The following ESR2 variants were observed in gnomAD, a reference collection of about 807,000 sequenced individuals.
The protein encoded by ESR2 is estrogen receptor 2, also known as estrogen receptor beta.
ESR2 carries 36 observed loss-of-function variants against 49.6 expected under a neutral mutation model. That is an observed-to-expected ratio of 0.73 (90% CI 0.56 to 0.96). The LOEUF is 0.96. ESR2 is among the 40% of genes least tolerant of loss of function. The pLI, the probability that ESR2 is intolerant of heterozygous loss-of-function variation, is 0.00. For synonymous variants in ESR2, 320 were observed against 266.1 expected, an observed-to-expected ratio of 1.20 and a Z score of -1.97; for missense variants, 714 against 693.0, an observed-to-expected ratio of 1.03 and a Z score of -0.34.
In ESR2 at chr14:64,251,157, C is replaced by CA. The variant is rs2075979284; in HGVS notation, c.1092-1479dup. Among the ~76,000 whole-genome samples, 12 of 152,154 alleles carry CA rather than the reference C, an allele frequency of 7.9e-5. No individual in the cohort carries two copies. In the South Asian group the frequency reaches 2.5e-3, roughly 32 times the overall value. On this transcript the variant is annotated intron_variant, in intron 6 of 8. Transcript: ENST00000341099. ...TCCCAGGCAACCTGATGCAGGCATC[C>CA]AGTAAGGACAACACAAGCCCTGCAC...
At chr14:64,272,018 C>T (rs915701893) in intron 3 of ESR2, among the ~76,000 whole-genome samples, 7 of 152,180 alleles carry the variant, frequency 4.6e-5, no homozygotes, top group African/African-American at 1.7e-4. Flanking sequence ...TACAATCTGA[C>T]CAACAGTATA....
intron 1 of ESR2, among the ~76,000 whole-genome samples, chr14:64,309,829 G>A (rs893613478): frequency 2.6e-5 from 4 of 152,012 alleles, no homozygotes; most frequent in Non-Finnish European, 2.9e-5. Flanking sequence ...GCTCACGCCT[G>A]TAATCCCAGC....
At chr14:64,322,589 G>A (rs539811449) in intron 1 of ESR2, among the ~76,000 whole-genome samples, 1 of 150,704 alleles carries the variant, frequency 6.6e-6, no homozygotes, top group South Asian at 2.1e-4. Context: ...ATAATAATGA[G>A]GTACCTTGTT....
chr14:64,251,307 CAA>C (rs11297817), intron 6 of ESR2, among the ~76,000 whole-genome samples: 86 of 124,352 alleles, frequency 6.9e-4, no homozygotes, highest in Non-Finnish European at 7.4e-4. Flanking sequence ...CTCTATGGGG[CAA>C]AAAAAAAAAA....
chr14:64,305,506 T>G (rs1244433692), intron 1 of ESR2, among the ~76,000 whole-genome samples: 1 of 150,928 alleles, frequency 6.6e-6, no homozygotes, highest in Non-Finnish European at 1.5e-5. Context: ...CCATCTCTAC[T>G]AAAAATACAA....
intron 1 of ESR2, among the ~76,000 whole-genome samples, chr14:64,315,237 C>T (rs2077239118): frequency 9.0e-6 from 1 of 110,548 alleles, no homozygotes; most frequent in Admixed American, 1.2e-4. Flanking sequence ...GAGCGAGAGT[C>T]TGTCTCAAAA....
intron 7 of ESR2, among the ~76,000 whole-genome samples, chr14:64,242,524 A>T (rs1389060345): frequency 6.6e-6 from 1 of 151,464 alleles, no homozygotes; most frequent in Non-Finnish European, 1.5e-5. Context: ...TTGATTTTCA[A>T]ATGTTAAAGA....
Position 64,283,105 on chromosome 14 carries a change from G to A in ESR2, c.-90-30C>T, listed in dbSNP as rs998951549. 5 of 961,470 alleles carry A rather than the reference G, an allele frequency of 5.2e-6. No homozygotes were observed. In the African/African-American group the frequency reaches 8.2e-5, roughly 16 times the overall value. The allele number at this position is 961,470 out of a possible 1,614,324, so 59.6% of individuals were successfully genotyped here. On this transcript the variant is annotated intron_variant, in intron 1 of 8. Coordinates refer to ENST00000341099, the MANE Select transcript of ESR2 (RefSeq NM_001437.3). ...AAAGAAACACAGAAGATATTGCCAA[G>A]TTAGAGCTACAGCTGTTAACTATGA... is the stretch of plus-strand genomic sequence containing the variant.
At chr14:64,332,414 G>C (rs891762931) in intron 1 of ESR2, 1 of 152,122 alleles carries the variant, frequency 6.6e-6, no homozygotes, top group South Asian at 2.1e-4. Flanking sequence ...ATGTAAATCT[G>C]GATAGAAAAG....
intron 4 of ESR2, among the ~76,000 whole-genome samples, chr14:64,268,015 C>A (rs1025841813): frequency 6.6e-6 from 1 of 151,902 alleles, no homozygotes; most frequent in East Asian, 1.9e-4. Flanking sequence ...TAAGTGCAGG[C>A]AGAACTGCTC....
At chr14:64,259,593 A>T (rs921406639) in intron 5 of ESR2, among the ~76,000 whole-genome samples, 5 of 152,340 alleles carry the variant, frequency 3.3e-5, no homozygotes, top group African/African-American at 1.2e-4. Context: ...AGCACTTCAG[A>T]TATATATTAC....
chr14:64,235,169 C>A lies in ESR2; in HGVS notation c.1226-19G>T. On this transcript the variant is annotated intron_variant, in intron 7 of 8. Coordinates refer to ENST00000341099, the MANE Select transcript of ESR2 (RefSeq NM_001437.3). ...TACATACCTGGACAAAGAATAAAAGCCAGAAGTCATTGCTCTGAGCAAAGG... is the reference window on the plus strand; with the variant it reads ...TACATACCTGGACAAAGAATAAAAGACAGAAGTCATTGCTCTGAGCAAAGG... 6.2e-7 allele frequency: 1 copy of A among 1,604,522 alleles called. No homozygotes were observed. Among genetic ancestry groups the A allele is most frequent in the Non-Finnish European group, 8.5e-7 (1 of 1,174,642 alleles).
chr14:64,316,562 A>T (rs2077257890), intron 1 of ESR2, among the ~76,000 whole-genome samples: 3 of 152,122 alleles, frequency 2.0e-5, no homozygotes, highest in Admixed American at 2.0e-4. Flanking sequence ...TAATCCCAGC[A>T]CTTTGGGAGG....
At chr14:64,283,163 C>G in intron 1 of ESR2, 88 bp from the exon 2 acceptor site, 2 of 533,152 alleles carry the variant, frequency 3.8e-6, no homozygotes, top group Non-Finnish European at 6.4e-6. Flanking sequence ...AAAATACATA[C>G]GTTTGTATGA....
In ESR2 at chr14:64,271,683, G is replaced by T. The variant is rs576982693; in HGVS notation, c.536-2772C>A. ...TGGGAGGTTTGTCTTTGTGTGTCTG[G>T]TTATTTCACTTAACATGACCTCCAG... On this transcript the variant is annotated intron_variant, in intron 3 of 8. Coordinates refer to ENST00000341099, the MANE Select transcript of ESR2 (RefSeq NM_001437.3). Among the ~76,000 whole-genome samples, 9 of 152,280 alleles carry T rather than the reference G, an allele frequency of 5.9e-5. No homozygotes were observed. The South Asian group carries it at 1.9e-3, about 32-fold the overall frequency.
At chr14:64,268,737 C>T in intron 4 of ESR2, 58 bp downstream of exon 4, 2 of 991,142 alleles carry the variant, frequency 2.0e-6, no homozygotes, top group Non-Finnish European at 3.2e-6. Context: ...CCCAGTTCCT[C>T]AGAGGACAGG....
intron 7 of ESR2, among the ~76,000 whole-genome samples, chr14:64,244,042 C>T (rs1036879683): frequency 4.6e-5 from 7 of 152,140 alleles, no homozygotes; most frequent in African/African-American, 1.7e-4. Context: ...ACCCAGATAG[C>T]AGATAAAGCA....
Position 64,257,266 on chromosome 14 carries a change from G to A in ESR2, c.1051C>T (p.Pro351Ser), listed in dbSNP as rs769476765. 1 of 1,614,140 alleles carries A rather than the reference G, an allele frequency of 6.2e-7. No individual in the cohort carries two copies. Among genetic ancestry groups the A allele is most frequent in the South Asian group, 1.1e-5 (1 of 91,078 alleles). The change falls in exon 6 of 9, where the codon CCC becomes TCC. Residue 351 changes from proline to serine, a missense_variant. Coordinates refer to ENST00000341099, the MANE Select transcript of ESR2 (RefSeq NM_001437.3). ...MGLMWRSIDH[P>S]GKLIFAPDLV... ...TCTGGAGCAAAGATGAGCTTGCCGG[G>A]GTGGTCAATTGAGCGCCACATCAGC...
intron 3 of ESR2, 41 bp downstream of exon 3, chr14:64,279,940 A>G: frequency 5.8e-6 from 9 of 1,561,866 alleles, no homozygotes; most frequent in Non-Finnish European, 7.0e-6. Flanking sequence ...TTTGAAATCA[A>G]AAGTAGGAAA....
Sources: gnomAD v4.1 joint callset for allele counts (sites outside exome capture counted in the v4.1 genomes callset) on GRCh38, gnomAD v4.1.1 for gene constraint, MANE v1.5 for transcripts, NCBI Gene and HGNC (gene_info 2026-07-23, HGNC 2026-07-21) for gene names.